Variants in EIF3E observed in about 807,000 individuals in gnomAD.
EIF3E encodes the protein eukaryotic translation initiation factor 3 subunit E, also known as eIF-3 p48.
EIF3E carries 25 observed loss-of-function variants against 59.3 expected under a neutral mutation model. The observed-to-expected ratio is 0.42, with a 90% CI of 0.31 to 0.59. The LOEUF (loss-of-function observed/expected upper bound fraction) is 0.59, where lower values mean the gene tolerates loss of function less well. EIF3E is among the 20% of genes least tolerant of loss of function. The probability of loss-of-function intolerance (pLI) is 0.15; values close to 1 mark genes in which losing one functional copy is unlikely to be tolerated. For missense variants in EIF3E, 317 were observed against 534.3 expected (o/e 0.59, Z 4.01); for synonymous variants, 176 against 170.2 (o/e 1.03, Z -0.26).
intron 10 of EIF3E, among the ~76,000 whole-genome samples, chr8:108,212,963 T>A (rs1182723876): frequency 6.6e-6 from 1 of 152,182 alleles, no homozygotes; most frequent in Non-Finnish European, 1.5e-5. Flanking sequence ...ACTAGGACTT[T>A]AGTCTGAAAA....
chr8:108,237,825 CT>C (rs1815762414), intron 3 of EIF3E, among the ~76,000 whole-genome samples: 1 of 152,152 alleles, frequency 6.6e-6, no homozygotes, highest in African/African-American at 2.4e-5. Flanking sequence ...TCACTGTCCT[CT>C]GGCTGATTAT....
chr8:108,207,904 A>T (rs1182008251), intron 10 of EIF3E, among the ~76,000 whole-genome samples: 1 of 152,168 alleles, frequency 6.6e-6, no homozygotes, highest in Non-Finnish European at 1.5e-5. Flanking sequence ...AAAAAATAAC[A>T]GAGATCCCAC....
chr8:108,213,706 A>G (rs867223000), intron 10 of EIF3E, among the ~76,000 whole-genome samples: 1 of 152,178 alleles, frequency 6.6e-6, no homozygotes, highest in African/African-American at 2.4e-5. Context: ...ATTTTCATGT[A>G]ATTTGTAAGA....
At chr8:108,216,721 C>G (rs575772785) in intron 8 of EIF3E, among the ~76,000 whole-genome samples, 1 of 152,238 alleles carries the variant, frequency 6.6e-6, no homozygotes, top group East Asian at 1.9e-4. Context: ...TCTCTAAAGT[C>G]TCATCCTAGA....
intron 7 of EIF3E, among the ~76,000 whole-genome samples, chr8:108,223,156 T>C (rs1815451307): frequency 6.6e-6 from 1 of 152,262 alleles, no homozygotes; most frequent in Non-Finnish European, 1.5e-5. Flanking sequence ...TTTAACAGCT[T>C]TAAGTAACTA....
chr8:108,244,712 A>T (rs1258751772), intron 1 of EIF3E, among the ~76,000 whole-genome samples: 1 of 152,058 alleles, frequency 6.6e-6, no homozygotes, highest in Admixed American at 6.6e-5. Flanking sequence ...TATCATTTTT[A>T]GCTATTTCAA....
intron 7 of EIF3E, among the ~76,000 whole-genome samples, chr8:108,222,282 C>T (rs886651289): frequency 6.6e-6 from 1 of 152,128 alleles, no homozygotes; most frequent in Non-Finnish European, 1.5e-5. Context: ...TGGCTTCAAG[C>T]GATCTTCCTG....
At chr8:108,225,140 TG>T (rs1193874184) in intron 7 of EIF3E, among the ~76,000 whole-genome samples, 2 of 151,544 alleles carry the variant, frequency 1.3e-5, no homozygotes, top group Admixed American at 6.6e-5. Flanking sequence ...TGTTTTTACT[TG>T]AAAGAATGGC....
At chr8:108,214,479 G>T in intron 10 of EIF3E, 128 bp downstream of exon 10, 4 of 721,154 alleles carry the variant, frequency 5.5e-6, no homozygotes, top group East Asian at 3.1e-5. Context: ...TTGTTTCATT[G>T]TTCTTCTGAA....
In EIF3E at chr8:108,214,651, G is replaced by A. The variant is rs1815269745; in HGVS notation, c.1017C>T (p.Phe339=). ...GGATGCGACAGAAAGTCTCAAATAT[G>A]AAGAGACGGGCATTTTCAATGAAAT... The part of the protein sequence containing the change: ...LEDFIENARL[F]IFETFCRIHQ... Residue 339 remains phenylalanine, a synonymous_variant, in exon 10 of 13, where the codon TTC becomes TTT. Coordinates refer to ENST00000220849, the MANE Select transcript of EIF3E (RefSeq NM_001568.3). 1 of 1,611,824 alleles carries A rather than the reference G, an allele frequency of 6.2e-7. No homozygotes were observed.
intron 9 of EIF3E, 26 bp downstream of exon 9, chr8:108,216,386 G>C: frequency 6.5e-7 from 1 of 1,545,426 alleles, no homozygotes; most frequent in Non-Finnish European, 8.8e-7. Context: ...AATAGTATTA[G>C]TTTATAAATA....
chr8:108,229,345 A>C (rs1289168079), intron 5 of EIF3E, 150 bp from the exon 6 acceptor site: 1 of 704,814 alleles, frequency 1.4e-6, no homozygotes, highest in African/African-American at 1.8e-5. Context: ...ATTGGATCAC[A>C]CTGGTTTGTT....
At chr8:108,247,705 T>G (rs1413254320) in intron 1 of EIF3E, among the ~76,000 whole-genome samples, 1 of 152,188 alleles carries the variant, frequency 6.6e-6, no homozygotes, top group Non-Finnish European at 1.5e-5. Context: ...TATTGTAGTC[T>G]GCTTCCAGAA....
Position 108,201,951 on chromosome 8 carries a change from C to T in EIF3E, c.1300-28G>A, listed in dbSNP as rs918251652. The T allele has an allele frequency of 1.2e-5, 18 of 1,545,230 alleles. No individual in the cohort carries two copies. The African/African-American group carries it at 1.2e-4, about 11-fold the overall frequency. On this transcript the variant is annotated intron_variant, in intron 12 of 12. Transcript: ENST00000220849. ...AAAATATGCAAAAAGAAATCAACACCGTGAAAAGAAAATACTTTCGGAAAA... is the reference window on the plus strand; with the variant it reads ...AAAATATGCAAAAAGAAATCAACACTGTGAAAAGAAAATACTTTCGGAAAA...
intron 10 of EIF3E, among the ~76,000 whole-genome samples, chr8:108,205,489 AG>A (rs1214645025): frequency 6.6e-6 from 1 of 152,232 alleles, no homozygotes; most frequent in African/African-American, 2.4e-5. Flanking sequence ...CAACTACAGT[AG>A]TTCCCACTTA....
In EIF3E at chr8:108,248,649, T is replaced by C; in HGVS notation, c.54A>G (p.Leu18=). The stretch of plus-strand genomic sequence containing the variant: ...AGAGAAATTCAAGAAGCGGAAAGAC[T>C]AGATGCCGATCCAAAAAGTGCGCGA... ...TRIAHFLDRH[L]VFPLLEFLSV... is the part of the protein sequence containing the mutation. Residue 18 remains leucine, a synonymous_variant, in exon 1 of 13, where the codon CTA becomes CTG. Transcript: ENST00000220849. 6.2e-7 allele frequency: 1 copy of C among 1,614,080 alleles called. No individual in the cohort carries two copies. The highest frequency in any genetic ancestry group is 1.3e-5 in the African/African-American group (1 of 75,008).
rs1815995995 is a variant in EIF3E, at chr8:108,248,634, A to C, written c.69T>G (p.Leu23=). 1 of 1,613,976 alleles carries C rather than the reference A, an allele frequency of 6.2e-7. No homozygotes were observed. The highest frequency in any genetic ancestry group is 1.3e-5 in the African/African-American group (1 of 74,900). Residue 23 remains leucine, a synonymous_variant, in exon 1 of 13, where the codon CTT becomes CTG. Coordinates refer to ENST00000220849, the MANE Select transcript of EIF3E (RefSeq NM_001568.3). ...TCACCTCCTTTACAGAGAGAAATTC[A>C]AGAAGCGGAAAGACTAGATGCCGAT... ...FLDRHLVFPL[L]EFLSVKEIYN... is the part of the protein sequence containing the mutation.
chr8:108,208,861 A>G (rs2597654), intron 10 of EIF3E, among the ~76,000 whole-genome samples: 76,185 of 151,898 alleles, frequency 0.5, 19,160 homozygotes, highest in African/African-American at 0.58. Flanking sequence ...TCAGACACAT[A>G]CCATAGCTGA....
chr8:108,210,929 T>C (rs1253386897), intron 10 of EIF3E, among the ~76,000 whole-genome samples: 3 of 152,204 alleles, frequency 2.0e-5, no homozygotes, highest in Non-Finnish European at 4.4e-5. Context: ...CATGAACTCA[T>C]CATTTTTTAT....
Sources: gnomAD v4.1 joint callset for allele counts (sites outside exome capture counted in the v4.1 genomes callset) on GRCh38, gnomAD v4.1.1 for gene constraint, MANE v1.5 for transcripts, NCBI Gene and HGNC (gene_info 2026-07-23, HGNC 2026-07-21) for gene names.